ERICH3: variants seen among roughly 807,000 people sequenced by gnomAD.
ERICH3 encodes the protein glutamate-rich protein 3.
In ERICH3, 126 loss-of-function variants were observed where a neutral mutation model predicts 131.1. The observed-to-expected ratio is 0.96, with a 90% CI of 0.83 to 1.11. The LOEUF is 1.11. Ranked by LOEUF, ERICH3 falls within the 50% of genes most tolerant of loss-of-function variation. The pLI is 0.00. For synonymous variants in ERICH3, 695 were observed against 644.6 expected (o/e 1.08, Z -1.18); for missense variants, 2,050 against 1,810.7 (o/e 1.13, Z -2.40).
chr1:74,571,012 C>T, intron 14 of ERICH3, 87 bp downstream of exon 14: 2 of 1,460,524 alleles, frequency 1.4e-6, no homozygotes, highest in Non-Finnish European at 1.8e-6. Context: ...GCACAGACAC[C>T]AATAAAGGGA....
At chr1:74,643,136 C>T in intron 3 of ERICH3, 38 bp from the exon 4 acceptor site, 1 of 1,514,528 alleles carries the variant, frequency 6.6e-7, no homozygotes, top group East Asian at 2.3e-5. Flanking sequence ...AGAATCATAT[C>T]AGTTATAGCA....
intron 10 of ERICH3, among the ~76,000 whole-genome samples, chr1:74,600,810 C>A (rs1490962815): frequency 6.6e-6 from 1 of 151,574 alleles, no homozygotes; most frequent in Admixed American, 6.6e-5. Context: ...ACCAATTAAG[C>A]AAATAAACAA....
chr1:74,616,293 T>C (rs1648961844), intron 8 of ERICH3, among the ~76,000 whole-genome samples: 1 of 152,118 alleles, frequency 6.6e-6, no homozygotes, highest in Non-Finnish European at 1.5e-5. Flanking sequence ...GTGCTGGGGT[T>C]ACAGGCATGA....
intron 12 of ERICH3, among the ~76,000 whole-genome samples, chr1:74,586,825 C>T (rs1053804005): frequency 2.0e-5 from 3 of 151,984 alleles, no homozygotes; most frequent in African/African-American, 7.3e-5. Flanking sequence ...TATAAAGCAG[C>T]ATATATTTTA....
chr1:74,574,456 T>TA (rs1398177767), intron 13 of ERICH3, among the ~76,000 whole-genome samples: 6 of 152,186 alleles, frequency 3.9e-5, no homozygotes, highest in Non-Finnish European at 5.9e-5. Context: ...GAGTCTTTAG[T>TA]AAAAAGTCTT....
At chr1:74,629,178 A>T (rs1357674758) in intron 7 of ERICH3, among the ~76,000 whole-genome samples, 1 of 152,050 alleles carries the variant, frequency 6.6e-6, no homozygotes, top group Non-Finnish European at 1.5e-5. Flanking sequence ...AGGAGTTCTT[A>T]GAATTGAAAC....
In ERICH3 at chr1:74,572,541, C is replaced by T. The variant is rs929309600; in HGVS notation, c.3169G>A (p.Ala1057Thr). The change falls in exon 14 of 15, where the codon GCA becomes ACA. Residue 1057 changes from alanine (A) to threonine (T), a missense_variant. Transcript: ENST00000326665. Reference sequence around the variant, plus strand: ...CTCTCAGCTTTCCTTCGCTCTCTTGCTAAATCTAATTCCTTGGGTAAAATT... The same window carrying T: ...CTCTCAGCTTTCCTTCGCTCTCTTGTTAAATCTAATTCCTTGGGTAAAATT... ...KEILPKELDL[A>T]RERRKAERPK... 2.5e-6 allele frequency: 4 copies of T among 1,613,954 alleles called. No individual in the cohort carries two copies. Among genetic ancestry groups the T allele is most frequent in the African/African-American group, 2.7e-5 (2 of 74,900 alleles).
In ERICH3 at chr1:74,571,231, C is replaced by A. The variant is rs780847773; in HGVS notation, c.4479G>T (p.Ala1493=). 6.2e-7 allele frequency: 1 copy of A among 1,613,942 alleles called. No individual in the cohort carries two copies. Among genetic ancestry groups the A allele is most frequent in the Non-Finnish European group, 8.5e-7 (1 of 1,180,000 alleles). The change falls in exon 14 of 15, where the codon GCG becomes GCT. Residue 1493 remains alanine (A), a synonymous_variant. Coordinates refer to ENST00000326665, the MANE Select transcript of ERICH3 (RefSeq NM_001002912.5). ...ERELSPESLQ[A]MATLPVKPDF... is the part of the protein sequence containing the mutation. ...CAGGCTTCACTGGAAGTGTTGCCATCGCCTGTAGACTCTCCGGACTCAATT... is the reference window on the plus strand; with the variant it reads ...CAGGCTTCACTGGAAGTGTTGCCATAGCCTGTAGACTCTCCGGACTCAATT...
intron 10 of ERICH3, among the ~76,000 whole-genome samples, chr1:74,602,389 C>T (rs957599493): frequency 7.9e-5 from 12 of 151,938 alleles, no homozygotes; most frequent in Non-Finnish European, 1.8e-4. Flanking sequence ...CAGCGACATG[C>T]TTTCTAAAAT....
At chr1:74,601,918 C>T (rs1181768994) in intron 10 of ERICH3, among the ~76,000 whole-genome samples, 1 of 151,800 alleles carries the variant, frequency 6.6e-6, no homozygotes, top group South Asian at 2.1e-4. Context: ...ACAATAATCC[C>T]TGGAACATGC....
In ERICH3 at chr1:74,577,142, C is replaced by T. The variant is rs142357603; in HGVS notation, c.2177-206G>A. 1,468 of 462,652 alleles carry T rather than the reference C, an allele frequency of 3.2e-3. 28 individuals carry two copies. Among genetic ancestry groups the T allele is most frequent in the African/African-American group, 0.026 (1,323 of 50,200 alleles). The allele number at this position is 462,652 out of a possible 1,614,324, so 28.7% of individuals were successfully genotyped here. ...TGTTCTTTTATTTAATCCTAGACAT[C>T]AATATATTCAAAAAATAATAATAAA... On this transcript the variant is annotated intron_variant, in intron 12 of 14. Coordinates refer to ENST00000326665, the MANE Select transcript of ERICH3 (RefSeq NM_001002912.5).
At position 74,673,562 on chromosome 1, in the gene ERICH3, T is replaced by C. The variant is rs776394368; in HGVS notation, c.-43A>G. On this transcript the variant is annotated 5_prime_UTR_variant, in exon 1 of 15. Coordinates refer to ENST00000326665, the MANE Select transcript of ERICH3 (RefSeq NM_001002912.5). ...TGGACCCCGCGGCAGGTGCGGAGGG[T>C]GGGTGCGTGGGGCCCCGTGCGCGCT... is the stretch of plus-strand genomic sequence containing the variant. 12 of 1,603,374 alleles carry C rather than the reference T, an allele frequency of 7.5e-6. No individual in the cohort carries two copies. The highest frequency in any genetic ancestry group is 1.0e-5 in the Non-Finnish European group (12 of 1,175,398).
chr1:74,636,377 A>G lies in ERICH3; in HGVS notation c.506T>C (p.Leu169Pro), dbSNP rs780041206. The G allele has an allele frequency of 1.2e-6, 2 of 1,613,004 alleles. No individual in the cohort carries two copies. The highest frequency in any genetic ancestry group is 2.2e-5 in the South Asian group (2 of 90,982). Reference sequence around the variant, plus strand: ...AGTTTCTACTGCAGGATTACTGGGAAGAGGCTGTAATCGAATTGGAGGCTG... The same window carrying G: ...AGTTTCTACTGCAGGATTACTGGGAGGAGGCTGTAATCGAATTGGAGGCTG... ...NMQPPIRLQP[L>P]PSNPAVETVP... is the part of the protein sequence containing the mutation. Residue 169 changes from leucine to proline, a missense_variant, in exon 6 of 15, where the codon CTT (leucine) becomes CCT (proline). Transcript: ENST00000326665.
intron 1 of ERICH3, among the ~76,000 whole-genome samples, chr1:74,671,717 C>T (rs752077292): frequency 4.6e-5 from 7 of 152,152 alleles, no homozygotes; most frequent in Admixed American, 2.6e-4. Context: ...CCTGGCACAT[C>T]GTATGCACAT....
At chr1:74,579,264 C>T (rs181090063) in intron 12 of ERICH3, 2 of 472,980 alleles carry the variant, frequency 4.2e-6, no homozygotes, top group African/African-American at 2.1e-5. Context: ...GACATCAAAG[C>T]TTTTTCCAAG....
intron 11 of ERICH3, 56 bp from the exon 12 acceptor site, chr1:74,590,136 T>C (rs2100561853): frequency 2.9e-6 from 4 of 1,384,794 alleles, no homozygotes; most frequent in South Asian, 1.5e-5. Context: ...ATTGGTTTAA[T>C]TGTAAAAATT....
At chr1:74,626,457 T>C (rs554220056) in intron 7 of ERICH3, among the ~76,000 whole-genome samples, 31 of 152,308 alleles carry the variant, frequency 2.0e-4, no homozygotes, top group African/African-American at 6.5e-4. Flanking sequence ...TGTCATAAAC[T>C]TTTTGCCCTC....
chr1:74,610,132 T>C lies in ERICH3; in HGVS notation c.1187+2491A>G, dbSNP rs189074732. Among the ~76,000 whole-genome samples the C allele has an allele frequency of 8.4e-4, 127 of 151,960 alleles. 1 individual carries two copies. Among genetic ancestry groups the C allele is most frequent in the African/African-American group, 2.8e-3 (115 of 41,466 alleles). On this transcript the variant is annotated intron_variant, in intron 9 of 14. Transcript: ENST00000326665. Reference sequence around the variant, plus strand: ...CCTGCTCTCAAATCAGGAGACAGCATATTTGAGTTGGAATAGGAAGGCAGT... The same window carrying C: ...CCTGCTCTCAAATCAGGAGACAGCACATTTGAGTTGGAATAGGAAGGCAGT...
rs1646351103 is a variant in ERICH3, at chr1:74,632,579, T to C, written c.604-651A>G. Among the ~76,000 whole-genome samples, 4 of 151,916 alleles carry C rather than the reference T, an allele frequency of 2.6e-5. No individual in the cohort carries two copies. In the South Asian group the frequency reaches 6.2e-4, roughly 24 times the overall value. ...ATACACACATGCACACACACACACA[T>C]ATATATGAAGAAGTTAATTGCACAA... On this transcript the variant is annotated intron_variant, in intron 6 of 14. Coordinates refer to ENST00000326665, the MANE Select transcript of ERICH3 (RefSeq NM_001002912.5).
Sources: allele counts gnomAD v4.1 joint callset (sites outside exome capture counted in the v4.1 genomes callset), GRCh38; gene constraint gnomAD v4.1.1; transcripts MANE v1.5; gene names NCBI Gene and HGNC (gene_info 2026-07-23, HGNC 2026-07-21).